Variants in GSG1L observed in about 807,000 individuals in gnomAD.
GSG1L encodes the protein germ cell-specific gene 1-like protein.
In GSG1L, 24 loss-of-function variants were observed where a neutral mutation model predicts 42.1. The ratio of observed to expected loss-of-function variants is 0.57; its 90% CI spans 0.41 to 0.80. The LOEUF is 0.80. Among genes scored for constraint, GSG1L ranks in the 30% least tolerant of loss-of-function variants. GSG1L has a pLI of 0.00. For missense variants in GSG1L, 445 were observed against 472.2 expected (o/e 0.94, Z 0.53); for synonymous variants, 215 against 203.5 (o/e 1.06, Z -0.48).
At position 28,040,967 on chromosome 16, in the gene GSG1L, G is replaced by A. The variant is rs1021658945; in HGVS notation, c.349+22109C>T. ...GTGCTAGGGTGAGGACTGCACCTCC[G>A]TGTCCTCTCAATCTCACATCAACCC... On this transcript the variant is annotated intron_variant, in intron 1 of 6. Coordinates refer to ENST00000447459, the MANE Select transcript of GSG1L (RefSeq NM_001109763.2). The surrounding 1 kb of genome is among the most constrained non-coding windows in gnomAD (Gnocchi z 4.1). 2.0e-5 allele frequency among the ~76,000 whole-genome samples: 3 copies of A among 152,330 alleles called. No homozygotes were observed. Among genetic ancestry groups the A allele is most frequent in the Non-Finnish European group, 4.4e-5 (3 of 68,034 alleles).
intron 3 of GSG1L, among the ~76,000 whole-genome samples, chr16:27,873,710 T>G (rs1318121211): frequency 6.6e-6 from 1 of 152,126 alleles, no homozygotes; most frequent in African/African-American, 2.4e-5. Context: ...TATCCAGAAA[T>G]GAAAGAGCTG....
rs76607109 is a variant in GSG1L, at chr16:27,960,353, C to T, written c.397+2803G>A. 1.8e-4 allele frequency among the ~76,000 whole-genome samples: 27 copies of T among 152,274 alleles called. No individual in the cohort carries two copies. The East Asian group carries it at 3.9e-3, about 22-fold the overall frequency. On this transcript the variant is annotated intron_variant, in intron 2 of 6. Transcript: ENST00000447459. ...GTAAAATGGGGATTACAGGAGCCAA[C>T]GTGTGCCAAGTTCTCAGCATAGCAC... is the stretch of plus-strand genomic sequence containing the variant.
At chr16:27,888,596 T>G (rs1163968778) in intron 2 of GSG1L, among the ~76,000 whole-genome samples, 1 of 147,506 alleles carries the variant, frequency 6.8e-6, no homozygotes, top group Non-Finnish European at 1.5e-5. Context: ...CGTCTCTCTC[T>G]GTCTCTCTCT....
intron 2 of GSG1L, among the ~76,000 whole-genome samples, chr16:27,960,145 G>A (rs539414062): frequency 6.6e-6 from 1 of 152,254 alleles, no homozygotes; most frequent in East Asian, 1.9e-4. Flanking sequence ...GGAGCTGGAG[G>A]CAGGAAGGAA....
intron 1 of GSG1L, among the ~76,000 whole-genome samples, chr16:28,011,818 A>G (rs954945936): frequency 6.6e-6 from 1 of 152,156 alleles, no homozygotes; most frequent in African/African-American, 2.4e-5. Context: ...GAAAGCTTCT[A>G]TTTCGCTTAA....
At position 27,988,753 on chromosome 16, in the gene GSG1L, G is replaced by GAA. The variant is rs34644311; in HGVS notation, c.350-25552_350-25551dup. Among the ~76,000 whole-genome samples, 687 of 142,920 alleles carry GAA rather than the reference G, an allele frequency of 4.8e-3. 6 individuals are homozygous for GAA. Among genetic ancestry groups the GAA allele is most frequent in the Middle Eastern group, 7.2e-3 (2 of 278 alleles). 93.8% of individuals were successfully genotyped at this position (142,920 alleles called of 152,430 possible). Reference sequence around the variant, plus strand: ...TACCTTTTCAGTCAACTGCAATTAAGAAAAAAAAAAAAAGGAGAGGGCTGG... The same window carrying GAA: ...TACCTTTTCAGTCAACTGCAATTAAGAAAAAAAAAAAAAAAGGAGAGGGCTGG... On this transcript the variant is annotated intron_variant, in intron 1 of 6. Transcript: ENST00000447459.
At chr16:27,888,398 CTCCT>C (rs58936107) in intron 2 of GSG1L, among the ~76,000 whole-genome samples, 4,008 of 141,120 alleles carry the variant, frequency 0.028, 465 homozygotes, top group African/African-American at 0.068. Flanking sequence ...CTTTTCTTTT[CTCCT>C]TCTTTCTTTC....
In GSG1L at chr16:27,887,996, G is replaced by C. The variant is rs1442886674; in HGVS notation, c.398-3358C>G. 3 of 625,936 alleles carry C rather than the reference G, an allele frequency of 4.8e-6. No individual in the cohort carries two copies. The East Asian group carries it at 4.1e-4, about 86-fold the overall frequency. The allele number at this position is 625,936 out of a possible 1,614,324, so 38.8% of individuals were successfully genotyped here. On this transcript the variant is annotated intron_variant, in intron 2 of 6. Transcript: ENST00000447459. ...GGGAGCAAAGCAGGAAATTCAGAGA[G>C]CGCTGAGCCTGCAGGAGGGTGGCCG...
At chr16:27,842,659 T>A (rs906189293) in intron 4 of GSG1L, among the ~76,000 whole-genome samples, 5 of 152,154 alleles carry the variant, frequency 3.3e-5, no homozygotes, top group Admixed American at 3.3e-4. Context: ...GGGATTGTTC[T>A]ACTTAAAGGG....
chr16:27,904,994 CTT>C (rs1567513095), intron 2 of GSG1L, among the ~76,000 whole-genome samples: 1 of 152,170 alleles, frequency 6.6e-6, no homozygotes, highest in Non-Finnish European at 1.5e-5. Flanking sequence ...AGCCAGAAAT[CTT>C]GGGTTTTACA....
chr16:27,858,568 G>A (rs1261410870), intron 3 of GSG1L, among the ~76,000 whole-genome samples: 1 of 152,146 alleles, frequency 6.6e-6, no homozygotes, highest in Non-Finnish European at 1.5e-5. Context: ...CATGGTTTAG[G>A]AAATAAAGGA....
chr16:27,997,053 C>T (rs1278670168), intron 1 of GSG1L, among the ~76,000 whole-genome samples: 2 of 152,260 alleles, frequency 1.3e-5, no homozygotes, highest in Non-Finnish European at 2.9e-5. Context: ...TGAGCCACCG[C>T]GCCTGGCCTT....
chr16:27,842,728 A>G (rs2083400573), intron 4 of GSG1L, among the ~76,000 whole-genome samples: 1 of 152,126 alleles, frequency 6.6e-6, no homozygotes, highest in Admixed American at 6.5e-5. Flanking sequence ...TGGTTTTAAA[A>G]GGATGGAATT....
intron 2 of GSG1L, among the ~76,000 whole-genome samples, chr16:27,925,343 T>G (rs140765164): frequency 9.2e-4 from 140 of 152,186 alleles, no homozygotes; most frequent in Middle Eastern, 3.4e-3. Flanking sequence ...TTGTGGGGCA[T>G]TTTCCAGGAA....
At chr16:27,946,621 G>GAA (rs1432690392) in intron 2 of GSG1L, among the ~76,000 whole-genome samples, 54 of 48,184 alleles carry the variant, frequency 1.1e-3, no homozygotes, top group African/African-American at 3.0e-3. Flanking sequence ...GAGAGAGAGA[G>GAA]AGAGAGAGAG....
At chr16:27,946,606 A>G (rs1437464237) in intron 2 of GSG1L, among the ~76,000 whole-genome samples, 1 of 5,492 alleles carries the variant, frequency 1.8e-4, no homozygotes, top group African/African-American at 8.6e-4. Context: ...AGAGAGAGAG[A>G]GAGAGAGAGA....
intron 5 of GSG1L, among the ~76,000 whole-genome samples, chr16:27,813,734 T>C (rs1456018782): frequency 6.6e-6 from 1 of 152,238 alleles, no homozygotes; most frequent in African/African-American, 2.4e-5. Context: ...GCAGTGGTTC[T>C]GGTCAAGGGC....
chr16:28,057,303 C>T (rs1010482676), intron 1 of GSG1L, among the ~76,000 whole-genome samples: 1 of 152,076 alleles, frequency 6.6e-6, no homozygotes, highest in African/African-American at 2.4e-5. Context: ...CAAGGTGGGA[C>T]GCACTGGGTT....
chr16:27,897,370 C>T (rs972602800), intron 2 of GSG1L, among the ~76,000 whole-genome samples: 1 of 152,126 alleles, frequency 6.6e-6, no homozygotes, highest in East Asian at 1.9e-4. Context: ...GGAATCACAG[C>T]TCACTGCAAC....
Sources: gnomAD v4.1 joint callset for allele counts (sites outside exome capture counted in the v4.1 genomes callset) on GRCh38, gnomAD v4.1.1 for gene constraint, Gnocchi (gnomAD v3.1) non-coding constraint, MANE v1.5 for transcripts, NCBI Gene and HGNC (gene_info 2026-07-23, HGNC 2026-07-21) for gene names.